Variants in KIRREL3 observed in about 807,000 individuals in gnomAD.
KIRREL3 encodes the protein kirre like nephrin family adhesion molecule 3, also known as kin of IRRE-like protein 3.
KIRREL3 carries 36 observed loss-of-function variants against 89.7 expected under a neutral mutation model. The observed-to-expected ratio is 0.40, with a 90% confidence interval of 0.31 to 0.53. The LOEUF (loss-of-function observed/expected upper bound fraction) is 0.53. Ranked by LOEUF, KIRREL3 falls within the 20% of genes least tolerant of loss-of-function variation. The pLI is 0.49. For synonymous variants in KIRREL3, 445 were observed against 441.4 expected, an observed-to-expected ratio of 1.01 and a Z score of -0.10; for missense variants, 864 against 1,056.6, an observed-to-expected ratio of 0.82 and a Z score of 2.53.
chr11:126,473,244 A>AACCCCCCCCCCCC, intron 5 of KIRREL3, 65 bp downstream of exon 5: 1 of 617,096 alleles, frequency 1.6e-6, no homozygotes, highest in Admixed American at 6.3e-5. Context: ...CTGTCCACCT[A>AACCCCCCCCCCCC]GCCCCCTCCC....
At chr11:126,433,185 TCA>T (rs1955198592) in intron 13 of KIRREL3, among the ~76,000 whole-genome samples, 1 of 152,350 alleles carries the variant, frequency 6.6e-6, no homozygotes, top group African/African-American at 2.4e-5. Context: ...GATCAGCAGT[TCA>T]CAGTCTTAAA....
At chr11:126,681,027 A>G (rs1946430777) in intron 1 of KIRREL3, among the ~76,000 whole-genome samples, 1 of 152,194 alleles carries the variant, frequency 6.6e-6, no homozygotes, top group African/African-American at 2.4e-5. Context: ...GCTAAGGCAA[A>G]TGTGTGCATT....
At chr11:126,743,028 A>G (rs1390480604) in intron 1 of KIRREL3, among the ~76,000 whole-genome samples, 2 of 152,206 alleles carry the variant, frequency 1.3e-5, no homozygotes, top group East Asian at 3.8e-4. Context: ...ACCTCCTCAG[A>G]GAGAAGAGAC....
At position 126,491,810 on chromosome 11, in the gene KIRREL3, T is replaced by G. The variant is rs1357135418; in HGVS notation, c.434-18344A>C. Among the ~76,000 whole-genome samples the G allele has an allele frequency of 6.6e-6, 1 of 152,162 alleles. No individual in the cohort carries two copies. The highest frequency in any genetic ancestry group is 1.5e-5 in the Non-Finnish European group (1 of 68,032). On this transcript the variant is annotated intron_variant, in intron 4 of 16. Coordinates refer to ENST00000525144, the MANE Select transcript of KIRREL3 (RefSeq NM_032531.4). The surrounding 1 kb of genome is among the most constrained non-coding windows in gnomAD (Gnocchi z 5.5). The stretch of plus-strand genomic sequence containing the variant: ...TCCACCTCCCAGGTTCAAGCGATTC[T>G]CCTGCCTCAGCTGCCTGAGTAGCTG...
At position 126,797,948 on chromosome 11, in the gene KIRREL3, G is replaced by A. The variant is rs1486952550; in HGVS notation, c.55+202507C>T. 6.6e-6 allele frequency among the ~76,000 whole-genome samples: 1 copy of A among 152,162 alleles called. No individual in the cohort carries two copies. Among genetic ancestry groups the A allele is most frequent in the Non-Finnish European group, 1.5e-5 (1 of 68,032 alleles). ...CTATGGACACTGCAAAGTAACACAT[G>A]GGCTGTTTGTGCTTTTGCTAACTCC... On this transcript the variant is annotated intron_variant, in intron 1 of 16. Transcript: ENST00000525144. This position sits in a 1 kb window ranked among gnomAD's most constrained non-coding sequence, Gnocchi z 4.9.
chr11:126,749,669 C>T (rs764322161), intron 1 of KIRREL3, among the ~76,000 whole-genome samples: 108 of 152,046 alleles, frequency 7.1e-4, no homozygotes, highest in Non-Finnish European at 7.4e-4. Context: ...AGCCATTCAT[C>T]TTCCGAGAAG....
In KIRREL3 at chr11:126,686,626, C is replaced by G. The variant is rs1946675987; in HGVS notation, c.56-123714G>C. Among the ~76,000 whole-genome samples, 1 of 152,156 alleles carries G rather than the reference C, an allele frequency of 6.6e-6. No individual in the cohort carries two copies. Among genetic ancestry groups the G allele is most frequent in the Non-Finnish European group, 1.5e-5 (1 of 68,034 alleles). On this transcript the variant is annotated intron_variant, in intron 1 of 16. Transcript: ENST00000525144. This position sits in a 1 kb window ranked among gnomAD's most constrained non-coding sequence, Gnocchi z 4.7. ...ACAGAGTCTCACTGTGTGGCACAGG[C>G]TGGAGTGCAGTGGCGTGATCTTGGC...
intron 1 of KIRREL3, among the ~76,000 whole-genome samples, chr11:126,582,963 A>G (rs1287955872): frequency 1.3e-5 from 2 of 149,158 alleles, no homozygotes; most frequent in Non-Finnish European, 3.0e-5. Context: ...CTACACAGTC[A>G]GTAAATGGCA....
At chr11:126,925,118 G>T (rs1947653687) in intron 1 of KIRREL3, among the ~76,000 whole-genome samples, 3 of 141,060 alleles carry the variant, frequency 2.1e-5, no homozygotes, top group East Asian at 2.2e-4. Flanking sequence ...GGGGGCTGTT[G>T]GTCACAGGAT....
chr11:126,784,556 T>C (rs528157589), intron 1 of KIRREL3, among the ~76,000 whole-genome samples: 3 of 151,954 alleles, frequency 2.0e-5, no homozygotes, highest in Non-Finnish European at 4.4e-5. Flanking sequence ...ACAACCTTGG[T>C]AGTCCTACAG....
chr11:126,751,212 G>A lies in KIRREL3; in HGVS notation c.56-188300C>T, dbSNP rs546598088. On this transcript the variant is annotated intron_variant, in intron 1 of 16. Coordinates refer to ENST00000525144, the MANE Select transcript of KIRREL3 (RefSeq NM_032531.4). ...CAGCTCATTCAATCCACTCCTCTAGGTCTAAAAGGAAGCAAGCTGTCTTAT... is the reference window on the plus strand; with the variant it reads ...CAGCTCATTCAATCCACTCCTCTAGATCTAAAAGGAAGCAAGCTGTCTTAT... Among the ~76,000 whole-genome samples, 43 of 152,292 alleles carry A rather than the reference G, an allele frequency of 2.8e-4. 1 individual carries two copies. Among genetic ancestry groups the A allele is most frequent in the Middle Eastern group, 6.8e-3 (2 of 294 alleles).
intron 7 of KIRREL3, among the ~76,000 whole-genome samples, chr11:126,451,364 G>GT (rs1956139104): frequency 7.5e-6 from 1 of 132,498 alleles, no homozygotes; most frequent in African/African-American, 2.6e-5. Flanking sequence ...ATGTGAGTGT[G>GT]ACTATGTGTG....
chr11:126,526,613 C>T lies in KIRREL3; in HGVS notation c.208G>A (p.Ala70Thr), dbSNP rs367826386. 72 of 1,604,964 alleles carry T rather than the reference C, an allele frequency of 4.5e-5. No homozygotes were observed. Among genetic ancestry groups the T allele is most frequent in the East Asian group, 4.1e-4 (18 of 44,432 alleles). Reference sequence around the variant, plus strand: ...ACGAAGCCATCGTATTCGGGGATGGCGCAAAGTAGCGTCACTGGCTGTCCC... The same window carrying T: ...ACGAAGCCATCGTATTCGGGGATGGTGCAAAGTAGCGTCACTGGCTGTCCC... Reference protein sequence around the residue: ...VSGQPVTLLCAIPEYDGFVLW... With the variant: ...VSGQPVTLLCTIPEYDGFVLW... Residue 70 changes from alanine to threonine, a missense_variant, in exon 3 of 17, where the codon GCC (alanine) becomes ACC (threonine). Ala to Thr is a moderately conservative substitution (Grantham distance 58). Coordinates refer to ENST00000525144, the MANE Select transcript of KIRREL3 (RefSeq NM_032531.4). This position sits in a 1 kb window ranked among gnomAD's most constrained non-coding sequence, Gnocchi z 5.7.
At position 126,541,405 on chromosome 11, in the gene KIRREL3, G is replaced by A. The variant is rs1048670959; in HGVS notation, c.134-14718C>T. Reference sequence around the variant, plus strand: ...TCCAAAATCCTATTTCGGGGGTGGGGGGTGGTCCTAAGGTTGAAAATAATA... The same window carrying A: ...TCCAAAATCCTATTTCGGGGGTGGGAGGTGGTCCTAAGGTTGAAAATAATA... On this transcript the variant is annotated intron_variant, in intron 2 of 16. Coordinates refer to ENST00000525144, the MANE Select transcript of KIRREL3 (RefSeq NM_032531.4). The surrounding 1 kb of genome is among the most constrained non-coding windows in gnomAD (Gnocchi z 4.8). Among the ~76,000 whole-genome samples the A allele has an allele frequency of 6.6e-6, 1 of 152,038 alleles. No individual in the cohort carries two copies. Among genetic ancestry groups the A allele is most frequent in the African/African-American group, 2.4e-5 (1 of 41,362 alleles).
chr11:126,852,136 C>A (rs1230332481), intron 1 of KIRREL3, among the ~76,000 whole-genome samples: 2 of 149,854 alleles, frequency 1.3e-5, no homozygotes, highest in African/African-American at 4.9e-5. Context: ...TCACTGCAAC[C>A]TCTGCCTCCC....
Position 126,897,723 on chromosome 11 carries a change from C to T in KIRREL3, c.55+102732G>A, listed in dbSNP as rs73032240. 0.017 allele frequency among the ~76,000 whole-genome samples: 2,655 copies of T among 152,268 alleles called. 41 individuals carry two copies. The highest frequency in any genetic ancestry group is 0.025 in the Non-Finnish European group (1,704 of 68,030). The stretch of plus-strand genomic sequence containing the variant: ...CTTTGATTTCATCTCCAGTTTCGGA[C>T]GAGCAGCAGTACAACATGCAGCAGC... On this transcript the variant is annotated intron_variant, in intron 1 of 16. Transcript: ENST00000525144. This position sits in a 1 kb window ranked among gnomAD's most constrained non-coding sequence, Gnocchi z 4.2.
At chr11:126,861,223 A>G (rs1275620144) in intron 1 of KIRREL3, among the ~76,000 whole-genome samples, 1 of 152,156 alleles carries the variant, frequency 6.6e-6, no homozygotes, top group Non-Finnish European at 1.5e-5. Flanking sequence ...CAGGCAGGAA[A>G]ACAGCACCCA....
Position 126,454,258 on chromosome 11 carries a change from G to A in KIRREL3, c.848+2091C>T, listed in dbSNP as rs1956270955. Among the ~76,000 whole-genome samples, 1 of 152,088 alleles carries A rather than the reference G, an allele frequency of 6.6e-6. No individual in the cohort carries two copies. Among genetic ancestry groups the A allele is most frequent in the Non-Finnish European group, 1.5e-5 (1 of 68,030 alleles). On this transcript the variant is annotated intron_variant, in intron 7 of 16. Transcript: ENST00000525144. The surrounding 1 kb of genome is among the most constrained non-coding windows in gnomAD (Gnocchi z 5.8). Reference sequence around the variant, plus strand: ...TCGTTTCCTGGGTGTTTGCTGTCCGGGTCAGTAGGCAGGTGTGGGTGGGGG... The same window carrying A: ...TCGTTTCCTGGGTGTTTGCTGTCCGAGTCAGTAGGCAGGTGTGGGTGGGGG...
chr11:126,674,421 A>C (rs1287752172), intron 1 of KIRREL3, among the ~76,000 whole-genome samples: 1 of 152,224 alleles, frequency 6.6e-6, no homozygotes, highest in Non-Finnish European at 1.5e-5. Flanking sequence ...AGCATAAACA[A>C]AGGGCTTGAG....
Sources: allele counts gnomAD v4.1 joint callset (sites outside exome capture counted in the v4.1 genomes callset), GRCh38; gene constraint gnomAD v4.1.1; non-coding constraint Gnocchi (gnomAD v3.1); transcripts MANE v1.5; gene names NCBI Gene and HGNC (gene_info 2026-07-23, HGNC 2026-07-21).